Variants in WAPL observed in about 807,000 individuals in gnomAD.
WAPL encodes the protein WAPL cohesin release factor.
A neutral mutation model predicts 121.0 loss-of-function variants in WAPL; 5 were observed. The observed-to-expected ratio is 0.04, with a 90% CI of 0.02 to 0.09. The LOEUF (loss-of-function observed/expected upper bound fraction) is 0.09. Among genes scored for constraint, WAPL ranks in the 10% least tolerant of loss-of-function variants. WAPL has a pLI of 1.00. For missense variants in WAPL, 999 were observed against 1,410.8 expected, an observed-to-expected ratio of 0.71 and a Z score of 4.68; for synonymous variants, 480 against 481.5, an observed-to-expected ratio of 1.00 and a Z score of 0.04.
At chr10:86,488,805 AAATACT>A (rs1264784766) in intron 4 of WAPL, among the ~76,000 whole-genome samples, 23 of 152,366 alleles carry the variant, frequency 1.5e-4, no homozygotes, top group African/African-American at 5.3e-4. Context: ...CTACAAGGCC[AAATACT>A]AATAACTGTA....
rs1047701765 is a variant in WAPL at position 86,500,476 on chromosome 10, T to C, written c.767A>G (p.Asp256Gly). 7 of 1,614,102 alleles carry C rather than the reference T, an allele frequency of 4.3e-6. No individual in the cohort carries two copies. Among genetic ancestry groups the C allele is most frequent in the Non-Finnish European group, 5.1e-6 (6 of 1,180,054 alleles). ...CTTCATCTCCAAAAGGGGATCACTA[T>C]CCAAACTTAAAATACAGTCTTCTGA... ...IRSEDCILSL[D>G]SDPLLEMKDD... The change falls in exon 3 of 19, where the codon GAT (aspartate) becomes GGT (glycine). Residue 256 changes from aspartate (D) to glycine (G), a missense_variant. Asp to Gly is a moderately conservative substitution (Grantham distance 94). Transcript: ENST00000298767.
At position 86,517,647 on chromosome 10, in the gene WAPL, A is replaced by G. The variant is rs1462985644; in HGVS notation, c.423T>C (p.Leu141=). ...TTCGGTTTGTGCTCTTTTCTTTCCC[A>G]AGTAAAGTGTCCTCCAAAGGGAAGC... The part of the protein sequence containing the change: ...DKCFPLEDTL[L]GKEKSTNRIV... Residue 141 remains leucine (L), a synonymous_variant, in exon 2 of 19, where the codon CTT becomes CTC. Transcript: ENST00000298767. 2.5e-6 allele frequency: 4 copies of G among 1,613,980 alleles called. No homozygotes were observed. The African/African-American group carries it at 5.3e-5, about 22-fold the overall frequency.
At chr10:86,445,729 T>C (rs1383689098) in intron 16 of WAPL, among the ~76,000 whole-genome samples, 3 of 152,008 alleles carry the variant, frequency 2.0e-5, no homozygotes, top group Admixed American at 6.6e-5. Flanking sequence ...TCTTGCTAGA[T>C]TGTTGTCTCA....
intron 2 of WAPL, among the ~76,000 whole-genome samples, chr10:86,512,851 G>T (rs1040519842): frequency 6.6e-6 from 1 of 151,368 alleles, no homozygotes; most frequent in African/African-American, 2.4e-5. Context: ...AGTACATGAG[G>T]TTTTTTTTTA....
chr10:86,437,068 G>A lies in WAPL; in HGVS notation c.*475C>T, dbSNP rs546503645. On this transcript the variant is annotated 3_prime_UTR_variant, in exon 19 of 19. Coordinates refer to ENST00000298767, the MANE Select transcript of WAPL (RefSeq NM_015045.5). ...GGAATCATTCAACAAAAAAGCAAAA[G>A]CAAATGAGCCTGAAAAAGGAACTAA... The A allele has an allele frequency of 6.5e-6, 1 of 153,058 alleles. No homozygotes were observed. The highest frequency in any genetic ancestry group is 1.9e-4 in the East Asian group (1 of 5,184). 9.5% of individuals were successfully genotyped at this position (153,058 alleles called of 1,614,324 possible).
At chr10:86,461,536 CTT>C (rs1262993693) in intron 9 of WAPL, among the ~76,000 whole-genome samples, 2 of 152,140 alleles carry the variant, frequency 1.3e-5, no homozygotes, top group Non-Finnish European at 2.9e-5. Context: ...TATAGGTACT[CTT>C]ATTTCTACAG....
chr10:86,446,563 T>C, intron 15 of WAPL, 114 bp from the exon 16 acceptor site: 4 of 1,200,884 alleles, frequency 3.3e-6, no homozygotes, highest in Non-Finnish European at 4.6e-6. Context: ...AAGATGGTTA[T>C]GTGATAAAAA....
chr10:86,438,996 T>C (rs1849395116), intron 17 of WAPL, among the ~76,000 whole-genome samples: 1 of 152,180 alleles, frequency 6.6e-6, no homozygotes, highest in African/African-American at 2.4e-5. Flanking sequence ...GGTTCACCTG[T>C]AGTAAGGGGC....
At chr10:86,479,845 T>C (rs1014757689) in intron 4 of WAPL, among the ~76,000 whole-genome samples, 1 of 152,174 alleles carries the variant, frequency 6.6e-6, no homozygotes, top group Non-Finnish European at 1.5e-5. Context: ...ATCTGGATTG[T>C]CAAAAATTTC....
chr10:86,446,557 T>A (rs1363024594), intron 15 of WAPL, 108 bp from the exon 16 acceptor site: 1 of 1,216,252 alleles, frequency 8.2e-7, no homozygotes, highest in Non-Finnish European at 1.1e-6. Context: ...AACTCTAAGA[T>A]GGTTATGTGA....
intron 15 of WAPL, among the ~76,000 whole-genome samples, chr10:86,450,410 A>AT (rs1840949476): frequency 6.6e-6 from 1 of 152,058 alleles, no homozygotes; most frequent in South Asian, 2.1e-4. Context: ...CAACTGTTTT[A>AT]TTTTTTGTAC....
intron 9 of WAPL, among the ~76,000 whole-genome samples, chr10:86,462,352 A>G (rs1453616410): frequency 6.6e-6 from 1 of 152,214 alleles, no homozygotes; most frequent in Non-Finnish European, 1.5e-5. Context: ...AATAACAGAT[A>G]TTACCAGTGA....
At chr10:86,485,182 C>T (rs1006415270) in intron 4 of WAPL, among the ~76,000 whole-genome samples, 2 of 151,818 alleles carry the variant, frequency 1.3e-5, no homozygotes, top group African/African-American at 4.8e-5. Context: ...CACTTCAAGC[C>T]TCATTTCCTG....
chr10:86,512,695 T>C (rs534888085), intron 2 of WAPL, among the ~76,000 whole-genome samples: 1 of 152,318 alleles, frequency 6.6e-6, no homozygotes, highest in Admixed American at 6.5e-5. Flanking sequence ...AAATTAAAGA[T>C]TAGATACAGA....
Position 86,437,313 on chromosome 10 carries a change from C to A in WAPL, c.*230G>T. ...TTTAAATACTGCATGGAATTGTTAA[C>A]AGCCTGAACCTTTTCCCCTCATTTT... On this transcript the variant is annotated 3_prime_UTR_variant, in exon 19 of 19. Coordinates refer to ENST00000298767, the MANE Select transcript of WAPL (RefSeq NM_015045.5). The A allele has an allele frequency of 2.0e-6, 1 of 498,962 alleles. No homozygotes were observed. Among genetic ancestry groups the A allele is most frequent in the East Asian group, 3.5e-5 (1 of 28,628 alleles). The allele number at this position is 498,962 out of a possible 1,614,324, so 30.9% of individuals were successfully genotyped here.
intron 4 of WAPL, among the ~76,000 whole-genome samples, chr10:86,493,872 G>A (rs918548150): frequency 6.6e-6 from 1 of 152,214 alleles, no homozygotes; most frequent in South Asian, 2.1e-4. Flanking sequence ...GCATGGTGGC[G>A]CTTGCCTGTA....
chr10:86,521,531 G>T lies in WAPL; in HGVS notation c.-189C>A. The T allele has an allele frequency of 2.7e-6, 1 of 370,752 alleles. No homozygotes were observed. The highest frequency in any genetic ancestry group is 5.3e-6 in the Non-Finnish European group (1 of 187,300). 23.0% of individuals were successfully genotyped at this position (370,752 alleles called of 1,614,324 possible). A position where few individuals can be genotyped will look rare whatever the true frequency, so the allele number is the denominator to read the frequency against. Reference sequence around the variant, plus strand: ...GGTAAATAGGAAGCCCGGTTGGGGGGGCAGGAGCGGCGGCCCCGCAACTTC... The same window carrying T: ...GGTAAATAGGAAGCCCGGTTGGGGGTGCAGGAGCGGCGGCCCCGCAACTTC... On this transcript the variant is annotated 5_prime_UTR_variant, in exon 1 of 19. Transcript: ENST00000298767.
At chr10:86,448,499 A>C (rs1840892146) in intron 15 of WAPL, among the ~76,000 whole-genome samples, 1 of 152,246 alleles carries the variant, frequency 6.6e-6, no homozygotes, top group Admixed American at 6.5e-5. Context: ...ATTACAAAGA[A>C]TGTGATGAAC....
chr10:86,456,186 A>C (rs192599226), intron 12 of WAPL, among the ~76,000 whole-genome samples: 21 of 152,308 alleles, frequency 1.4e-4, no homozygotes, highest in Admixed American at 5.9e-4. Context: ...ACCTTAGTTA[A>C]GGCAGCTAGC....
Sources: allele counts gnomAD v4.1 joint callset (sites outside exome capture counted in the v4.1 genomes callset), GRCh38; gene constraint gnomAD v4.1.1; transcripts MANE v1.5; gene names NCBI Gene and HGNC (gene_info 2026-07-23, HGNC 2026-07-21).